Variants in CSPP1 observed in about 807,000 individuals in gnomAD.
CSPP1 encodes the protein centrosome and spindle pole associated protein 1.
Under a neutral mutation model 164.4 loss-of-function variants are expected in CSPP1, and 126 were observed. That is an observed-to-expected ratio of 0.77 (90% CI 0.66 to 0.89). CSPP1 has a LOEUF of 0.89. Among genes scored for constraint, CSPP1 ranks in the 40% least tolerant of loss-of-function variants. CSPP1 has a pLI of 0.00. For missense variants in CSPP1, 1,395 were observed against 1,449.8 expected (o/e 0.96, Z 0.61); for synonymous variants, 472 against 476.7 (o/e 0.99, Z 0.13).
rs556644700 is a variant in CSPP1, at chr8:67,156,126, A to T, written c.2241+1990A>T. Among the ~76,000 whole-genome samples the T allele has an allele frequency of 2.6e-5, 4 of 152,316 alleles. No homozygotes were observed. In the South Asian group the frequency reaches 8.3e-4, roughly 32 times the overall value. ...TAGAATTCAGCCAAAAAACAATCTT[A>T]CAATTGTATAGACTTTTATTGTTTT... On this transcript the variant is annotated intron_variant, in intron 19 of 30. Transcript: ENST00000678616.
At chr8:67,075,268 C>T (rs1807672352) in intron 2 of CSPP1, among the ~76,000 whole-genome samples, 1 of 152,180 alleles carries the variant, frequency 6.6e-6, no homozygotes, top group Non-Finnish European at 1.5e-5. Flanking sequence ...TAATAAGATA[C>T]AGCATGTAGT....
chr8:67,195,793 T>G lies in CSPP1; in HGVS notation c.*200T>G. On this transcript the variant is annotated 3_prime_UTR_variant, in exon 31 of 31. Coordinates refer to ENST00000678616, the MANE Select transcript of CSPP1 (RefSeq NM_001382391.1). The stretch of plus-strand genomic sequence containing the variant: ...TATTGATTTATATAATAGAATTGTA[T>G]AGATTATTTTTGCACAGTTTTGTCA... The G allele has an allele frequency of 1.8e-6, 1 of 544,810 alleles. No homozygotes were observed. The highest frequency in any genetic ancestry group is 3.2e-5 in the East Asian group (1 of 31,618). The allele number at this position is 544,810 out of a possible 1,614,324, so 33.7% of individuals were successfully genotyped here. A position where few individuals can be genotyped will look rare whatever the true frequency, so the allele number is the denominator to read the frequency against.
intron 8 of CSPP1, among the ~76,000 whole-genome samples, chr8:67,103,757 G>T (rs142104577): frequency 6.7e-6 from 1 of 149,986 alleles, no homozygotes; most frequent in South Asian, 2.1e-4. Flanking sequence ...GGAGAATGGC[G>T]TGAACCCAGG....
At chr8:67,116,412 C>T (rs984987612) in intron 13 of CSPP1, among the ~76,000 whole-genome samples, 1 of 151,994 alleles carries the variant, frequency 6.6e-6, no homozygotes, top group Non-Finnish European at 1.5e-5. Flanking sequence ...TTTTTGATAT[C>T]TTTTAACATA....
intron 18 of CSPP1, among the ~76,000 whole-genome samples, 168 bp downstream of exon 18, chr8:67,150,103 T>A (rs1226159166): frequency 6.6e-6 from 1 of 152,112 alleles, no homozygotes; most frequent in Non-Finnish European, 1.5e-5. Flanking sequence ...ATAGTTACTT[T>A]GAAAAAAGGT....
At chr8:67,161,552 G>T (rs1322590396) in intron 21 of CSPP1, among the ~76,000 whole-genome samples, 1 of 151,848 alleles carries the variant, frequency 6.6e-6, no homozygotes, top group African/African-American at 2.4e-5. Flanking sequence ...ACTTGTGTTT[G>T]TTGATTTTTT....
chr8:67,134,131 A>G (rs973997552), intron 16 of CSPP1: 1 of 152,176 alleles, frequency 6.6e-6, no homozygotes, highest in African/African-American at 2.4e-5. Flanking sequence ...ACTTCCTTCC[A>G]TGACTCACAA....
In CSPP1 at chr8:67,159,115, A is replaced by G. The variant is rs751522196; in HGVS notation, c.2516A>G (p.Asn839Ser). 1.9e-6 allele frequency: 3 copies of G among 1,600,438 alleles called. No homozygotes were observed. The highest frequency in any genetic ancestry group is 2.2e-5 in the East Asian group (1 of 44,752). Residue 839 changes from asparagine (N) to serine (S), a missense_variant, in exon 21 of 31, where the codon AAT (asparagine) becomes AGT (serine). Coordinates refer to ENST00000678616, the MANE Select transcript of CSPP1 (RefSeq NM_001382391.1). The stretch of plus-strand genomic sequence containing the variant: ...CTTCAGCACTACTGTGAAAGAGACA[A>G]TTTGATTGGGGAAGAAACAAAGGTA... ...LQLQHYCERD[N>S]LIGEETKHMR...
intron 28 of CSPP1, among the ~76,000 whole-genome samples, chr8:67,185,828 TAA>T (rs377703444): frequency 7.2e-5 from 11 of 152,086 alleles, no homozygotes; most frequent in African/African-American, 2.7e-4. Flanking sequence ...CAGAAATGCA[TAA>T]AAGTCAAATC....
intron 28 of CSPP1, among the ~76,000 whole-genome samples, chr8:67,185,518 G>A (rs1004684910): frequency 1.3e-5 from 2 of 152,154 alleles, no homozygotes; most frequent in African/African-American, 4.8e-5. Context: ...TTCCCTTGGG[G>A]GCTTTGAAAT....
At chr8:67,100,734 C>T (rs1028268578) in intron 7 of CSPP1, among the ~76,000 whole-genome samples, 11 of 150,352 alleles carry the variant, frequency 7.3e-5, no homozygotes, top group African/African-American at 2.4e-4. Flanking sequence ...CATGAGCCGC[C>T]GTGCCCGGCC....
intron 7 of CSPP1, among the ~76,000 whole-genome samples, chr8:67,100,199 CT>C (rs1334202609): frequency 1.3e-5 from 2 of 152,042 alleles, no homozygotes; most frequent in Non-Finnish European, 2.9e-5. Context: ...ATATGTGCTG[CT>C]CACTAGGAAA....
chr8:67,082,895 A>G (rs887395385), intron 3 of CSPP1, among the ~76,000 whole-genome samples: 2 of 152,198 alleles, frequency 1.3e-5, no homozygotes, highest in Non-Finnish European at 2.9e-5. Flanking sequence ...TAGATCCATC[A>G]GAAGACAACA....
At chr8:67,175,635 A>T in intron 26 of CSPP1, 199 bp downstream of exon 26, 1 of 695,714 alleles carries the variant, frequency 1.4e-6, no homozygotes, top group South Asian at 1.5e-5. Context: ...AGGGTGGTGT[A>T]TTCATGCATG....
At chr8:67,150,022 T>C (rs1375350825) in intron 18 of CSPP1, 87 bp downstream of exon 18, 10 of 1,328,458 alleles carry the variant, frequency 7.5e-6, no homozygotes, top group African/African-American at 3.0e-5. Flanking sequence ...TAAGTTCTTA[T>C]TGGGATCTTG....
chr8:67,161,479 G>A (rs1029689228), intron 21 of CSPP1, among the ~76,000 whole-genome samples: 2 of 151,914 alleles, frequency 1.3e-5, no homozygotes, highest in Admixed American at 1.3e-4. Flanking sequence ...TATTGTCATG[G>A]TACCTTTTTA....
At position 67,116,058 on chromosome 8, in the gene CSPP1, C is replaced by A. The variant is rs371566997; in HGVS notation, c.1432C>A (p.Pro478Thr). 8 of 1,613,972 alleles carry A rather than the reference C, an allele frequency of 5.0e-6. No homozygotes were observed. In the African/African-American group the frequency reaches 8.0e-5, roughly 16 times the overall value. Reference sequence around the variant, plus strand: ...ACCCATCCCATCAGTTCATCCTGTTCCTTCTCAAAATGAAGATTTGCGCAG... The same window carrying A: ...ACCCATCCCATCAGTTCATCCTGTTACTTCTCAAAATGAAGATTTGCGCAG... Reference protein sequence around the residue: ...VPPIPSVHPVPSQNEDLRSGL... With the variant: ...VPPIPSVHPVTSQNEDLRSGL... Residue 478 changes from proline to threonine, a missense_variant, in exon 13 of 31, where the codon CCT becomes ACT. By Grantham distance (38) the Pro-to-Thr change is conservative (BLOSUM62 -1). Coordinates refer to ENST00000678616, the MANE Select transcript of CSPP1 (RefSeq NM_001382391.1).
intron 21 of CSPP1, among the ~76,000 whole-genome samples, chr8:67,160,715 A>G (rs572814108): frequency 3.3e-5 from 5 of 151,108 alleles, no homozygotes; most frequent in African/African-American, 7.3e-5. Flanking sequence ...ATTTTTGTCT[A>G]TTCCTTCAGT....
In CSPP1 at chr8:67,192,577, T is replaced by C. The variant is rs1836673124; in HGVS notation, c.3331-887T>C. On this transcript the variant is annotated intron_variant, in intron 29 of 30. Coordinates refer to ENST00000678616, the MANE Select transcript of CSPP1 (RefSeq NM_001382391.1). ...CAACTCATCACTCTTTCTTGGGCTT[T>C]TGGTGTCTTAATTAAGAAACCATTG... Among the ~76,000 whole-genome samples the C allele has an allele frequency of 2.6e-5, 4 of 152,168 alleles. No individual in the cohort carries two copies. In the South Asian group the frequency reaches 6.2e-4, roughly 24 times the overall value.
Sources: gnomAD v4.1 joint callset for allele counts (sites outside exome capture counted in the v4.1 genomes callset) on GRCh38, gnomAD v4.1.1 for gene constraint, MANE v1.5 for transcripts, NCBI Gene and HGNC (gene_info 2026-07-23, HGNC 2026-07-21) for gene names.